The following STK39 variants were observed in gnomAD, a reference collection of about 807,000 sequenced individuals.
STK39 encodes the protein serine/threonine kinase 39, also known as STE20/SPS1-related proline-alanine-rich protein kinase.
In STK39, 20 loss-of-function variants were observed where a neutral mutation model predicts 77.8. That is an observed-to-expected ratio of 0.26 (90% CI 0.18 to 0.37). The LOEUF (loss-of-function observed/expected upper bound fraction) is 0.37. STK39 is among the 10% of genes least tolerant of loss of function. The pLI, the probability that STK39 is intolerant of heterozygous loss-of-function variation, is 1.00. For synonymous variants in STK39, 246 were observed against 234.1 expected, an observed-to-expected ratio of 1.05 and a Z score of -0.47; for missense variants, 479 against 656.5, an observed-to-expected ratio of 0.73 and a Z score of 2.95.
chr2:168,225,941 G>A lies in STK39; in HGVS notation c.208+21287C>T, dbSNP rs146095851. The stretch of plus-strand genomic sequence containing the variant: ...CTAAAAACTAGATTCTCAATCTTTG[G>A]GATTAAGATTGGGAAATACAGACAG... On this transcript the variant is annotated intron_variant, in intron 1 of 17. Transcript: ENST00000355999. Among the ~76,000 whole-genome samples the A allele has an allele frequency of 1.1e-3, 174 of 152,200 alleles. 1 individual carries two copies. The highest frequency in any genetic ancestry group is 0.01 in the Middle Eastern group (3 of 292).
At chr2:168,205,562 T>C (rs1171212323) in intron 1 of STK39, among the ~76,000 whole-genome samples, 1 of 152,124 alleles carries the variant, frequency 6.6e-6, no homozygotes, top group Non-Finnish European at 1.5e-5. Context: ...CCCAACACTT[T>C]GGGAGGCTGA....
At chr2:168,172,038 T>C (rs1688843105) in intron 2 of STK39, among the ~76,000 whole-genome samples, 1 of 152,154 alleles carries the variant, frequency 6.6e-6, no homozygotes, top group East Asian at 1.9e-4. Context: ...AGGCGGGTTA[T>C]CCAACAACTT....
intron 1 of STK39, among the ~76,000 whole-genome samples, chr2:168,226,896 G>A (rs550281518): frequency 6.6e-6 from 1 of 152,232 alleles, no homozygotes; most frequent in African/African-American, 2.4e-5. Context: ...CAATCAATAA[G>A]TTCATCAATA....
At chr2:168,173,876 T>C (rs1227566452) in intron 2 of STK39, among the ~76,000 whole-genome samples, 1 of 152,206 alleles carries the variant, frequency 6.6e-6, no homozygotes, top group Non-Finnish European at 1.5e-5. Flanking sequence ...CAAAAAATGA[T>C]ATACCATTTA....
At chr2:167,976,525 C>A (rs1683280548) in intron 16 of STK39, among the ~76,000 whole-genome samples, 1 of 152,284 alleles carries the variant, frequency 6.6e-6, no homozygotes, top group East Asian at 1.9e-4. Flanking sequence ...TGGTAAGGTG[C>A]AGAAATAAAT....
chr2:168,160,348 A>C (rs1236576699), intron 5 of STK39, among the ~76,000 whole-genome samples: 2 of 152,218 alleles, frequency 1.3e-5, no homozygotes, highest in Admixed American at 1.3e-4. Context: ...ATAAGTCATA[A>C]ACTCTCCTCA....
At chr2:168,049,489 A>T (rs1347840007) in intron 14 of STK39, among the ~76,000 whole-genome samples, 1 of 152,194 alleles carries the variant, frequency 6.6e-6, no homozygotes, top group Admixed American at 6.5e-5. Context: ...TTAAATGAGG[A>T]CCTACCAGGA....
intron 10 of STK39, among the ~76,000 whole-genome samples, chr2:168,105,831 C>A (rs1056028597): frequency 6.6e-6 from 1 of 152,112 alleles, no homozygotes; most frequent in African/African-American, 2.4e-5. Context: ...ATATTTATTC[C>A]AGAACTTCAC....
intron 10 of STK39, among the ~76,000 whole-genome samples, chr2:168,097,588 A>T (rs1686703876): frequency 6.6e-6 from 1 of 152,162 alleles, no homozygotes; most frequent in African/African-American, 2.4e-5. Flanking sequence ...ACACATAATT[A>T]GCCGTGCATG....
chr2:168,046,321 G>A (rs958035186), intron 14 of STK39, among the ~76,000 whole-genome samples: 8 of 152,270 alleles, frequency 5.3e-5, no homozygotes, highest in Admixed American at 6.5e-5. Context: ...AGCCAAGATC[G>A]TGCCACTGCA....
At chr2:168,158,537 G>A (rs1323405289) in intron 5 of STK39, among the ~76,000 whole-genome samples, 1 of 152,162 alleles carries the variant, frequency 6.6e-6, no homozygotes, top group Non-Finnish European at 1.5e-5. Flanking sequence ...GCTAGTGATC[G>A]CTGGGGTATA....
intron 2 of STK39, among the ~76,000 whole-genome samples, chr2:168,173,772 C>T (rs1228605502): frequency 6.6e-6 from 1 of 152,166 alleles, no homozygotes; most frequent in Non-Finnish European, 1.5e-5. Context: ...TGGTCTTGAA[C>T]TCCTGACCTC....
chr2:168,143,806 G>A (rs1313559573), intron 5 of STK39, among the ~76,000 whole-genome samples: 2 of 152,008 alleles, frequency 1.3e-5, no homozygotes, highest in African/African-American at 2.4e-5. Context: ...ACTACTCTCA[G>A]ATTCAGACAG....
At chr2:168,179,581 G>A (rs6755369) in intron 2 of STK39, among the ~76,000 whole-genome samples, 29,560 of 151,900 alleles carry the variant, frequency 0.19, 3,479 homozygotes, top group African/African-American at 0.31. Flanking sequence ...ATTGCAACAC[G>A]GGCATTAAGG....
chr2:168,125,788 G>A (rs151001152), intron 10 of STK39, among the ~76,000 whole-genome samples: 1,662 of 151,994 alleles, frequency 0.011, 9 homozygotes, highest in Admixed American at 0.017. Flanking sequence ...CTATTTTTTC[G>A]TGATTTAGAG....
At chr2:168,164,672 T>A (rs192993412) in intron 3 of STK39, among the ~76,000 whole-genome samples, 1 of 152,346 alleles carries the variant, frequency 6.6e-6, no homozygotes, top group African/African-American at 2.4e-5. Context: ...CCTCCCAAAG[T>A]GCTGGGCTTA....
chr2:168,074,844 G>A, intron 12 of STK39, 138 bp downstream of exon 12: 1 of 939,604 alleles, frequency 1.1e-6, no homozygotes, highest in Non-Finnish European at 1.6e-6. Flanking sequence ...ACAGAATTAG[G>A]AGCTGCAAAG....
chr2:167,956,135 A>G (rs1691756485), intron 17 of STK39, among the ~76,000 whole-genome samples: 1 of 152,260 alleles, frequency 6.6e-6, no homozygotes, highest in Non-Finnish European at 1.5e-5. Context: ...GAAAGGTATT[A>G]TAACAATTCT....
At chr2:168,005,198 G>A (rs1259348823) in intron 16 of STK39, among the ~76,000 whole-genome samples, 9 of 151,814 alleles carry the variant, frequency 5.9e-5, no homozygotes, top group Non-Finnish European at 1.5e-5. Context: ...TAGAGACAAA[G>A]TTTCTCCATG....
Sources: gnomAD v4.1 joint callset for allele counts (sites outside exome capture counted in the v4.1 genomes callset) on GRCh38, gnomAD v4.1.1 for gene constraint, MANE v1.5 for transcripts, NCBI Gene and HGNC (gene_info 2026-07-23, HGNC 2026-07-21) for gene names.